GRID2: variants seen among roughly 807,000 people sequenced by gnomAD.
GRID2 encodes the protein glutamate ionotropic receptor delta type subunit 2.
Under a neutral mutation model 114.8 loss-of-function variants are expected in GRID2, and 33 were observed. The ratio of observed to expected loss-of-function variants is 0.29; its 90% CI spans 0.22 to 0.38. The LOEUF (loss-of-function observed/expected upper bound fraction) is 0.38, where lower values mean the gene tolerates loss of function less well. GRID2 is among the 10% of genes least tolerant of loss of function. The pLI, the probability that GRID2 is intolerant of heterozygous loss-of-function variation, is 1.00. For synonymous variants in GRID2, 505 were observed against 449.9 expected, an observed-to-expected ratio of 1.12 and a Z score of -1.55; for missense variants, 1,184 against 1,257.7, an observed-to-expected ratio of 0.94 and a Z score of 0.89.
chr4:92,551,145 T>C (rs1261022991), intron 1 of GRID2, among the ~76,000 whole-genome samples: 2 of 152,144 alleles, frequency 1.3e-5, no homozygotes, highest in African/African-American at 4.8e-5. Context: ...TTTTATTTTA[T>C]AAATGATGAC....
chr4:92,543,723 G>A (rs1255122415), intron 1 of GRID2, among the ~76,000 whole-genome samples: 1 of 152,118 alleles, frequency 6.6e-6, no homozygotes, highest in Non-Finnish European at 1.5e-5. Context: ...AATATTTTTA[G>A]TGCAGGTTAA....
At chr4:92,513,039 G>T (rs1163330793) in intron 1 of GRID2, among the ~76,000 whole-genome samples, 1 of 151,814 alleles carries the variant, frequency 6.6e-6, no homozygotes, top group East Asian at 1.9e-4. Context: ...GAATACTTTA[G>T]CAAATAGTGT....
chr4:93,462,949 C>A (rs866032805), intron 11 of GRID2, among the ~76,000 whole-genome samples: 4 of 152,180 alleles, frequency 2.6e-5, no homozygotes, highest in Non-Finnish European at 5.9e-5. Context: ...CAGGTTAACT[C>A]GACTACAAAG....
At chr4:92,948,595 G>C (rs944488119) in intron 2 of GRID2, among the ~76,000 whole-genome samples, 2 of 151,676 alleles carry the variant, frequency 1.3e-5, no homozygotes, top group Admixed American at 6.6e-5. Flanking sequence ...TAGTTCTATG[G>C]ATAAGAAAAA....
intron 13 of GRID2, among the ~76,000 whole-genome samples, chr4:93,545,347 G>T (rs774154060): frequency 1.3e-5 from 2 of 152,150 alleles, no homozygotes; most frequent in Admixed American, 1.3e-4. Flanking sequence ...TGCTGAATTG[G>T]GGAGGATAAG....
chr4:93,354,293 A>G (rs1293187829), intron 8 of GRID2, among the ~76,000 whole-genome samples: 1 of 152,018 alleles, frequency 6.6e-6, no homozygotes, highest in African/African-American at 2.4e-5. Context: ...ATAATTTCTT[A>G]TAATTTAAAT....
chr4:92,415,118 A>C, intron 1 of GRID2, among the ~76,000 whole-genome samples: 1 of 152,158 alleles, frequency 6.6e-6, no homozygotes, highest in African/African-American at 2.4e-5. Flanking sequence ...AGCAAATTTT[A>C]TCTTGTAAAA....
At chr4:92,673,378 C>T (rs148221948) in intron 2 of GRID2, among the ~76,000 whole-genome samples, 1 of 152,242 alleles carries the variant, frequency 6.6e-6, no homozygotes, top group African/African-American at 2.4e-5. Context: ...TTTTTAAATA[C>T]ATTGTGTGTT....
chr4:92,846,194 G>T (rs887514831), intron 2 of GRID2, among the ~76,000 whole-genome samples: 11 of 152,006 alleles, frequency 7.2e-5, no homozygotes, highest in Non-Finnish European at 1.5e-4. Flanking sequence ...AGGTTCAGGG[G>T]CTACATATGC....
At chr4:92,745,883 A>G (rs983815002) in intron 2 of GRID2, among the ~76,000 whole-genome samples, 2 of 152,144 alleles carry the variant, frequency 1.3e-5, no homozygotes, top group African/African-American at 4.8e-5. Flanking sequence ...AAGAAGCATG[A>G]TCAGCATATA....
At chr4:93,730,848 T>C (rs1020593182) in intron 14 of GRID2, among the ~76,000 whole-genome samples, 3 of 152,212 alleles carry the variant, frequency 2.0e-5, no homozygotes, top group African/African-American at 7.2e-5. Context: ...AAGAGAGCTC[T>C]GAATGATGGC....
At chr4:92,730,862 T>C (rs1315293090) in intron 2 of GRID2, among the ~76,000 whole-genome samples, 2 of 151,976 alleles carry the variant, frequency 1.3e-5, no homozygotes, top group African/African-American at 4.8e-5. Context: ...TATTCAGAAA[T>C]CTAACTCATC....
rs576206841 is a variant in GRID2, at chr4:93,317,969, T to G, written c.1246-77638T>G. Among the ~76,000 whole-genome samples, 6 of 114,270 alleles carry G rather than the reference T, an allele frequency of 5.3e-5. No homozygotes were observed. The Admixed American group carries it at 6.0e-4, about 12-fold the overall frequency. The allele number at this position is 114,270 out of a possible 152,430, so 75.0% of individuals were successfully genotyped here. A position where few individuals can be genotyped will look rare whatever the true frequency, so the allele number is the denominator to read the frequency against. ...TTCTCAGCAGTAAATCAGTTTTATC[T>G]TTCCCTTTAAAAGTGAAATATATAT... is the stretch of plus-strand genomic sequence containing the variant. On this transcript the variant is annotated intron_variant, in intron 8 of 15. Transcript: ENST00000282020.
At chr4:92,889,813 A>G (rs1746625538) in intron 2 of GRID2, among the ~76,000 whole-genome samples, 1 of 152,188 alleles carries the variant, frequency 6.6e-6, no homozygotes, top group Admixed American at 6.5e-5. Context: ...AGCCAAGACA[A>G]TCCTAAGCAA....
chr4:92,932,037 G>C (rs561733264), intron 2 of GRID2, among the ~76,000 whole-genome samples: 1 of 151,096 alleles, frequency 6.6e-6, no homozygotes, highest in Admixed American at 6.6e-5. Context: ...AGTAGGCAAC[G>C]ATTTCATTGG....
chr4:92,539,465 G>A (rs1215136062), intron 1 of GRID2, among the ~76,000 whole-genome samples: 1 of 151,854 alleles, frequency 6.6e-6, no homozygotes, highest in Admixed American at 6.6e-5. Flanking sequence ...TGTTCCATAG[G>A]TAATTCATTT....
chr4:92,306,666 T>C (rs1725424487), intron 1 of GRID2, among the ~76,000 whole-genome samples: 1 of 152,242 alleles, frequency 6.6e-6, no homozygotes, highest in South Asian at 2.1e-4. Context: ...CAGCTTTTGC[T>C]ATCCCTTACT....
At chr4:93,453,945 A>G (rs1722951071) in intron 10 of GRID2, among the ~76,000 whole-genome samples, 1 of 152,116 alleles carries the variant, frequency 6.6e-6, no homozygotes, top group Non-Finnish European at 1.5e-5. Flanking sequence ...AATGAAACTG[A>G]ACAGTTACAT....
At chr4:93,462,493 T>A (rs1336019045) in intron 11 of GRID2, among the ~76,000 whole-genome samples, 1 of 152,144 alleles carries the variant, frequency 6.6e-6, no homozygotes, top group Admixed American at 6.5e-5. Context: ...AGAGTTAACA[T>A]AAGAGACAAC....
Sources: allele counts gnomAD v4.1 joint callset (sites outside exome capture counted in the v4.1 genomes callset), GRCh38; gene constraint gnomAD v4.1.1; transcripts MANE v1.5; gene names NCBI Gene and HGNC (gene_info 2026-07-23, HGNC 2026-07-21).